VPS13B: variants seen among roughly 807,000 people sequenced by gnomAD.
The protein encoded by VPS13B is intermembrane lipid transfer protein VPS13B.
A neutral mutation model predicts 426.4 loss-of-function variants in VPS13B; 285 were observed. The ratio of observed to expected loss-of-function variants is 0.67; its 90% CI spans 0.61 to 0.74. The LOEUF (loss-of-function observed/expected upper bound fraction) is 0.74. Ranked by LOEUF, VPS13B falls within the 30% of genes least tolerant of loss-of-function variation. VPS13B has a pLI of 0.00. For missense variants in VPS13B, 4,537 were observed against 4,782.6 expected (o/e 0.95, Z 1.51); for synonymous variants, 1,676 against 1,676.4 (o/e 1.00, Z 0.01).
At chr8:99,857,963 C>T (rs1050828189) in intron 56 of VPS13B, among the ~76,000 whole-genome samples, 16 of 152,202 alleles carry the variant, frequency 1.1e-4, no homozygotes, top group Non-Finnish European at 2.2e-4. Context: ...AATTTAAGAG[C>T]GTCCCTCTCT....
chr8:99,429,006 C>A (rs1233331675), intron 21 of VPS13B, among the ~76,000 whole-genome samples: 2 of 152,122 alleles, frequency 1.3e-5, no homozygotes, highest in African/African-American at 4.8e-5. Context: ...TGGAAACCAT[C>A]ATTCTCAGCA....
intron 25 of VPS13B, among the ~76,000 whole-genome samples, chr8:99,488,315 G>A (rs1056463094): frequency 1.3e-5 from 2 of 151,912 alleles, no homozygotes; most frequent in Non-Finnish European, 2.9e-5. Flanking sequence ...GGGAAAATTC[G>A]AGTAGTCTGT....
rs773831188 is a variant in VPS13B, at chr8:99,832,437, C to T, written c.9399C>T (p.Ser3133=). Residue 3133 remains serine (S), a synonymous_variant, in exon 52 of 62, where the codon TCC becomes TCT. Transcript: ENST00000357162. ...GTGGAGAGCAGCCTGCTATGAAATC[C>T]AGCTCCCTTCCTTGCTGGGACTTGA... ...CPGGEQPAMK[S]SSLPCWDLMP... is the part of the protein sequence containing the mutation. 7 of 1,580,950 alleles carry T rather than the reference C, an allele frequency of 4.4e-6. No homozygotes were observed. The East Asian group carries it at 1.7e-4, about 37-fold the overall frequency.
chr8:99,376,215 G>A (rs1049372409), intron 19 of VPS13B, among the ~76,000 whole-genome samples: 1 of 152,178 alleles, frequency 6.6e-6, no homozygotes, highest in Non-Finnish European at 1.5e-5. Context: ...GTGATCTATG[G>A]TGGATGTGGT....
intron 20 of VPS13B, among the ~76,000 whole-genome samples, chr8:99,389,432 C>A (rs1438744706): frequency 3.3e-5 from 5 of 152,098 alleles, no homozygotes; most frequent in African/African-American, 1.2e-4. Flanking sequence ...CCGTGTATAC[C>A]TTTTGAGTCC....
chr8:99,418,340 T>G (rs978626938), intron 21 of VPS13B, among the ~76,000 whole-genome samples: 47 of 152,060 alleles, frequency 3.1e-4, no homozygotes, highest in African/African-American at 1.1e-3. Flanking sequence ...TTAGCCCATA[T>G]TATTTATCTA....
intron 9 of VPS13B, 49 bp downstream of exon 9, chr8:99,134,776 T>C (rs1342959340): frequency 2.1e-6 from 3 of 1,446,468 alleles, no homozygotes; most frequent in Non-Finnish European, 2.9e-6. Context: ...TGTTCTTTAA[T>C]ATTTTATAAA....
intron 19 of VPS13B, among the ~76,000 whole-genome samples, chr8:99,366,731 C>A (rs564554607): frequency 6.6e-6 from 1 of 151,240 alleles, no homozygotes. Flanking sequence ...TATTTAATTT[C>A]TTGCTTTTAT....
chr8:99,713,295 A>G (rs879924994), intron 36 of VPS13B, among the ~76,000 whole-genome samples: 1 of 152,230 alleles, frequency 6.6e-6, no homozygotes, highest in Non-Finnish European at 1.5e-5. Flanking sequence ...CCAGAAATAA[A>G]TATCAACCTT....
chr8:99,187,002 GC>G (rs751700553), intron 16 of VPS13B, among the ~76,000 whole-genome samples: 3 of 152,028 alleles, frequency 2.0e-5, no homozygotes, highest in Non-Finnish European at 4.4e-5. Flanking sequence ...GTAAAGACCT[GC>G]TTGTAAAAAA....
At chr8:99,072,819 T>C (rs1194384174) in intron 3 of VPS13B, among the ~76,000 whole-genome samples, 1 of 152,220 alleles carries the variant, frequency 6.6e-6, no homozygotes, top group Non-Finnish European at 1.5e-5. Flanking sequence ...TGCATGTGGA[T>C]ATTCAGTTTC....
At chr8:99,652,474 A>G (rs1216450749) in intron 34 of VPS13B, among the ~76,000 whole-genome samples, 1 of 152,076 alleles carries the variant, frequency 6.6e-6, no homozygotes, top group Non-Finnish European at 1.5e-5. Flanking sequence ...GTGGTTGTAA[A>G]TGGTAAAATA....
intron 54 of VPS13B, among the ~76,000 whole-genome samples, chr8:99,843,650 T>G (rs942945642): frequency 3.0e-4 from 45 of 152,228 alleles, no homozygotes; most frequent in African/African-American, 1.1e-3. Context: ...CTGAATGTTT[T>G]CTGGGCACAT....
rs562846082 is a variant in VPS13B at position 99,193,062 on chromosome 8, G to C, written c.2515+5G>C. The C allele has an allele frequency of 3.1e-6, 5 of 1,613,196 alleles. No homozygotes were observed. Among genetic ancestry groups the C allele is most frequent in the Non-Finnish European group, 3.4e-6 (4 of 1,179,708 alleles). ...ATGAAATCTTCCTAAGTATAGGTAA[G>C]AGCACAGTCTTTTTGATAACTATAT... is the stretch of plus-strand genomic sequence containing the variant. On this transcript the variant is annotated splice_donor_5th_base_variant and intron_variant, in intron 17 of 61. Transcript: ENST00000357162.
chr8:99,846,220 G>A (rs1815976888), intron 54 of VPS13B, among the ~76,000 whole-genome samples: 1 of 152,202 alleles, frequency 6.6e-6, no homozygotes, highest in Non-Finnish European at 1.5e-5. Context: ...AACTTACACA[G>A]AGTCCATGAT....
rs749898086 is a variant in VPS13B at position 99,467,403 on chromosome 8, C to G, written c.3446-11C>G. On this transcript the variant is annotated splice_polypyrimidine_tract_variant and intron_variant, in intron 23 of 61. Transcript: ENST00000357162. ...GTGTGCTTCCCTATTCCCTTTTATC[C>G]CCTATATCAGGTGATGCTTTTCCTT... The G allele has an allele frequency of 6.2e-7, 1 of 1,610,246 alleles. No homozygotes were observed. Among genetic ancestry groups the G allele is most frequent in the Non-Finnish European group, 8.5e-7 (1 of 1,176,904 alleles).
At chr8:99,550,724 C>G (rs1260740586) in intron 30 of VPS13B, among the ~76,000 whole-genome samples, 2 of 151,964 alleles carry the variant, frequency 1.3e-5, no homozygotes, top group East Asian at 3.9e-4. Flanking sequence ...TGAACTGCAT[C>G]CTACAATGTT....
rs764775015 is a variant in VPS13B at position 99,720,980 on chromosome 8, C to G, written c.6983C>G (p.Thr2328Ser). Residue 2328 changes from threonine (T) to serine (S), a missense_variant, in exon 39 of 62, where the codon ACT becomes AGT. Physicochemically the swap from Thr to Ser is moderately conservative, Grantham distance 58. Around this residue, in one of 2 missense-constraint regions of VPS13B, gnomAD observed 4,311 missense variants for 4,474.3 expected, o/e 0.96. Coordinates refer to ENST00000357162, the MANE Select transcript of VPS13B (RefSeq NM_152564.5). Reference protein sequence around the residue: ...EPRVLTLVRITPVPFNTTEDP... With the variant: ...EPRVLTLVRISPVPFNTTEDP... The stretch of plus-strand genomic sequence containing the variant: ...AGAGTACTCACCCTTGTACGAATAA[C>G]TCCTGTACCTTTTAACACCACAGAG... The G allele has an allele frequency of 9.3e-6, 15 of 1,613,912 alleles. No individual in the cohort carries two copies. The African/African-American group carries it at 1.5e-4, about 16-fold the overall frequency.
intron 25 of VPS13B, among the ~76,000 whole-genome samples, chr8:99,501,334 T>C (rs1160568391): frequency 6.6e-6 from 1 of 152,192 alleles, no homozygotes; most frequent in Non-Finnish European, 1.5e-5. Flanking sequence ...GATTTGGCTG[T>C]GATCTAGTAA....
Sources: gnomAD v4.1 joint callset for allele counts (sites outside exome capture counted in the v4.1 genomes callset) on GRCh38, gnomAD v4.1.1 for gene constraint, gnomAD v4.1.1 regional missense constraint, MANE v1.5 for transcripts, NCBI Gene and HGNC (gene_info 2026-07-23, HGNC 2026-07-21) for gene names.